Variants in SEMA5A observed in about 807,000 individuals in gnomAD.
SEMA5A encodes semaphorin 5A.
A neutral mutation model predicts 135.5 loss-of-function variants in SEMA5A; 55 were observed. The ratio of observed to expected loss-of-function variants is 0.41; its 90% CI spans 0.33 to 0.51. The LOEUF is 0.51. Ranked by LOEUF, SEMA5A falls within the 20% of genes least tolerant of loss-of-function variation. The pLI is 0.37. For missense variants in SEMA5A, 1,290 were observed against 1,419.9 expected (o/e 0.91, Z 1.47); for synonymous variants, 580 against 546.5 (o/e 1.06, Z -0.85).
intron 16 of SEMA5A, among the ~76,000 whole-genome samples, chr5:9,072,097 A>G (rs1737800109): frequency 6.6e-6 from 1 of 152,238 alleles, no homozygotes; most frequent in African/African-American, 2.4e-5. Context: ...ACCAATATGG[A>G]GTAAGAGAAA....
chr5:9,233,441 C>T (rs1579675064), intron 6 of SEMA5A, among the ~76,000 whole-genome samples: 2 of 152,132 alleles, frequency 1.3e-5, no homozygotes, highest in Non-Finnish European at 2.9e-5. Flanking sequence ...GTTTTTGAAT[C>T]CATAAAAACA....
At chr5:9,206,681 G>A (rs970060854) in intron 8 of SEMA5A, among the ~76,000 whole-genome samples, 1 of 151,756 alleles carries the variant, frequency 6.6e-6, no homozygotes, top group African/African-American at 2.4e-5. Context: ...AAGGCACAAA[G>A]GAATCCCAAC....
chr5:9,383,214 T>C (rs1755691306), intron 2 of SEMA5A, among the ~76,000 whole-genome samples: 1 of 152,194 alleles, frequency 6.6e-6, no homozygotes, highest in Admixed American at 6.5e-5. Flanking sequence ...AGTCCAAAGG[T>C]AACAAGATGA....
chr5:9,512,016 A>T (rs1255966792), intron 1 of SEMA5A: 1 of 152,188 alleles, frequency 6.6e-6, no homozygotes, highest in East Asian at 1.9e-4. Context: ...CAAAAGAAGA[A>T]AAGTCTTGGA....
intron 1 of SEMA5A, among the ~76,000 whole-genome samples, chr5:9,484,714 A>T (rs1432611157): frequency 6.6e-6 from 1 of 152,230 alleles, no homozygotes. Flanking sequence ...GATTGATACC[A>T]GGCGAGTCGG....
intron 1 of SEMA5A, among the ~76,000 whole-genome samples, chr5:9,491,132 C>T (rs537471538): frequency 2.0e-4 from 30 of 152,158 alleles, no homozygotes; most frequent in Admixed American, 1.9e-3. Context: ...GCGATGTCCT[C>T]AAGTTCAGTT....
intron 1 of SEMA5A, among the ~76,000 whole-genome samples, chr5:9,540,952 T>C (rs1441242733): frequency 6.6e-6 from 1 of 152,228 alleles, no homozygotes; most frequent in African/African-American, 2.4e-5. Context: ...TTCAGGAGAA[T>C]AGAAGTTTCG....
intron 4 of SEMA5A, among the ~76,000 whole-genome samples, chr5:9,326,381 G>A (rs879693196): frequency 2.8e-4 from 42 of 152,256 alleles, no homozygotes; most frequent in Non-Finnish European, 5.0e-4. Context: ...CTCCAGGGTA[G>A]CTGAGATTAC....
At chr5:9,526,957 A>C (rs1737155823) in intron 1 of SEMA5A, among the ~76,000 whole-genome samples, 1 of 152,194 alleles carries the variant, frequency 6.6e-6, no homozygotes, top group Admixed American at 6.5e-5. Flanking sequence ...ATTGATGTTA[A>C]TGGTCATTAT....
chr5:9,196,805 T>C (rs1191012745), intron 10 of SEMA5A, among the ~76,000 whole-genome samples: 1 of 152,236 alleles, frequency 6.6e-6, no homozygotes, highest in Non-Finnish European at 1.5e-5. Context: ...CTCTGTGCCC[T>C]GGACCCCATT....
intron 15 of SEMA5A, among the ~76,000 whole-genome samples, chr5:9,110,570 AC>A (rs113058741): frequency 2.4e-4 from 36 of 152,332 alleles, no homozygotes; most frequent in African/African-American, 7.2e-4. Flanking sequence ...AGAAAACAAA[AC>A]AAAAACAGTG....
chr5:9,519,897 C>A (rs1263869135), intron 1 of SEMA5A: 2 of 152,144 alleles, frequency 1.3e-5, no homozygotes, highest in African/African-American at 4.8e-5. Context: ...TGATTGAAAA[C>A]CATTTTAATA....
intron 13 of SEMA5A, among the ~76,000 whole-genome samples, chr5:9,130,292 AT>A (rs1250992284): frequency 6.6e-6 from 1 of 151,926 alleles, no homozygotes; most frequent in Non-Finnish European, 1.5e-5. Context: ...CTATTCTGAT[AT>A]TTTTTCAAAA....
chr5:9,288,612 A>G (rs2150579378), intron 5 of SEMA5A, among the ~76,000 whole-genome samples: 1 of 152,344 alleles, frequency 6.6e-6, no homozygotes, highest in South Asian at 2.1e-4. Flanking sequence ...TAAATGTGAA[A>G]CTGTTCTCTA....
intron 4 of SEMA5A, among the ~76,000 whole-genome samples, chr5:9,334,434 C>T (rs1170629184): frequency 6.6e-6 from 1 of 152,220 alleles, no homozygotes; most frequent in East Asian, 1.9e-4. Flanking sequence ...GGTGAAATTC[C>T]TATTCTCTTC....
chr5:9,094,723 G>A (rs1305284695), intron 16 of SEMA5A, among the ~76,000 whole-genome samples: 1 of 152,178 alleles, frequency 6.6e-6, no homozygotes, highest in African/African-American at 2.4e-5. Flanking sequence ...TTCGAGGATT[G>A]CTTTCTAATA....
chr5:9,393,525 G>A (rs746971611), intron 2 of SEMA5A, among the ~76,000 whole-genome samples: 1 of 152,136 alleles, frequency 6.6e-6, no homozygotes, highest in African/African-American at 2.4e-5. Flanking sequence ...TTATGCTTCA[G>A]TTCCCATGCC....
At chr5:9,077,448 G>A (rs1738130676) in intron 16 of SEMA5A, among the ~76,000 whole-genome samples, 1 of 152,082 alleles carries the variant, frequency 6.6e-6, no homozygotes, top group African/African-American at 2.4e-5. Context: ...AAATGCAATA[G>A]AAACGTTTTG....
chr5:9,219,731 G>A (rs1273700487), intron 8 of SEMA5A, among the ~76,000 whole-genome samples: 1 of 152,176 alleles, frequency 6.6e-6, no homozygotes, highest in Non-Finnish European at 1.5e-5. Flanking sequence ...AATGTCTGCT[G>A]TTTAAGCACC....
Sources: gnomAD v4.1 joint callset for allele counts (sites outside exome capture counted in the v4.1 genomes callset) on GRCh38, gnomAD v4.1.1 for gene constraint, MANE v1.5 for transcripts, NCBI Gene and HGNC (gene_info 2026-07-23, HGNC 2026-07-21) for gene names.